Variants in TFEC observed in about 807,000 individuals in gnomAD.
The protein encoded by TFEC is transcription factor EC.
A neutral mutation model predicts 41.6 loss-of-function variants in TFEC; 31 were observed. That is an observed-to-expected ratio of 0.74 (90% CI 0.56 to 1.01). The LOEUF (loss-of-function observed/expected upper bound fraction) is 1.01, where lower values mean the gene tolerates loss of function less well. TFEC is among the 50% of genes least tolerant of loss of function. The pLI is 0.00. For synonymous variants in TFEC, 143 were observed against 140.6 expected, an observed-to-expected ratio of 1.02 and a Z score of -0.12; for missense variants, 402 against 404.1, an observed-to-expected ratio of 0.99 and a Z score of 0.04.
upstream of TFEC, among the ~76,000 whole-genome samples, chr7:116,032,400 C>G (rs1026890656): frequency 1.3e-5 from 2 of 152,036 alleles, no homozygotes; most frequent in African/African-American, 4.8e-5. Flanking sequence ...CACTGCAGCA[C>G]TATTCACGGA....
upstream of TFEC, among the ~76,000 whole-genome samples, chr7:116,031,723 T>G (rs912253215): frequency 3.9e-5 from 6 of 152,112 alleles, no homozygotes; most frequent in African/African-American, 1.4e-4. Flanking sequence ...GAAGTGGAGA[T>G]TATATGAAAA....
Position 116,015,412 on chromosome 7 carries a change from G to C in TFEC, c.-73+15221C>G, listed in dbSNP as rs570202661. ...CATGATCTGAAGAAAGTGTAGATGA[G>C]AACAAATTACAATAGAAAAGAAAGC... On this transcript the variant is annotated intron_variant, in intron 1 of 7. Coordinates refer to ENST00000265440, the MANE Select transcript of TFEC (RefSeq NM_012252.4). Among the ~76,000 whole-genome samples, 14 of 151,766 alleles carry C rather than the reference G, an allele frequency of 9.2e-5. No individual in the cohort carries two copies. In the South Asian group the frequency reaches 2.7e-3, roughly 29 times the overall value.
At chr7:116,128,065 T>C (rs1400307800) in intron 1 of TFEC, among the ~76,000 whole-genome samples, 2 of 152,238 alleles carry the variant, frequency 1.3e-5, no homozygotes, top group African/African-American at 4.8e-5. Flanking sequence ...ATAACTTTTC[T>C]ATTGCACAAA....
intron 3 of TFEC, among the ~76,000 whole-genome samples, chr7:115,970,989 A>G (rs1793108336): frequency 6.6e-6 from 1 of 152,100 alleles, no homozygotes; most frequent in African/African-American, 2.4e-5. Flanking sequence ...CATGTCATAT[A>G]GTAGGTAAAC....
chr7:116,090,894 A>C (rs1363831802), intron 3 of TFEC, among the ~76,000 whole-genome samples: 1 of 151,428 alleles, frequency 6.6e-6, no homozygotes, highest in Non-Finnish European at 1.5e-5. Context: ...ACATGTTGTC[A>C]CTCATAAGTT....
At position 116,155,459 on chromosome 7, in the gene TFEC, T is replaced by A. The variant is rs75182745; in HGVS notation, c.-69+4331A>T. ...TGGGCCTACAGCAAACCTGCCAGCATCTACCTCAGATGGCTAACTCAAAGG... is the reference window on the plus strand; with the variant it reads ...TGGGCCTACAGCAAACCTGCCAGCAACTACCTCAGATGGCTAACTCAAAGG... On this transcript the variant is annotated intron_variant, in intron 1 of 8. Coordinates refer to the TFEC transcript ENST00000484212. Among the ~76,000 whole-genome samples, 1,254 of 152,336 alleles carry A rather than the reference T, an allele frequency of 8.2e-3. 6 individuals are homozygous for A. The highest frequency in any genetic ancestry group is 0.012 in the Non-Finnish European group (793 of 68,032).
chr7:116,105,488 G>A (rs1322619665), intron 3 of TFEC, among the ~76,000 whole-genome samples: 2 of 152,128 alleles, frequency 1.3e-5, no homozygotes, highest in African/African-American at 4.8e-5. Context: ...CCTTAGTGTT[G>A]ACCTAAATAT....
intron 1 of TFEC, among the ~76,000 whole-genome samples, chr7:115,992,502 C>T (rs190564102): frequency 3.2e-4 from 49 of 152,094 alleles, no homozygotes; most frequent in Non-Finnish European, 5.7e-4. Flanking sequence ...CAAATAGATG[C>T]AATAAAAAAT....
At chr7:115,941,323 C>T (rs1713620315) in intron 7 of TFEC, 1 of 165,058 alleles carries the variant, frequency 6.1e-6, no homozygotes, top group Admixed American at 6.2e-5. Flanking sequence ...GCTAAGCATA[C>T]TCACATTTTT....
chr7:116,061,362 G>T (rs1004941006), intron 3 of TFEC, among the ~76,000 whole-genome samples: 1 of 152,056 alleles, frequency 6.6e-6, no homozygotes, highest in Non-Finnish European at 1.5e-5. Flanking sequence ...CAGCATAAAA[G>T]GGTAGTCTTT....
intron 1 of TFEC, among the ~76,000 whole-genome samples, chr7:116,143,327 C>A (rs1008773266): frequency 6.6e-6 from 1 of 152,160 alleles, no homozygotes; most frequent in Non-Finnish European, 1.5e-5. Flanking sequence ...CTTATCTGCA[C>A]CTCTATACTA....
Position 115,940,496 on chromosome 7 carries a change from G to A in TFEC, c.*55C>T. 1 of 1,530,786 alleles carries A rather than the reference G, an allele frequency of 6.5e-7. No individual in the cohort carries two copies. The highest frequency in any genetic ancestry group is 2.3e-5 in the East Asian group (1 of 44,126). 94.8% of individuals were successfully genotyped at this position (1,530,786 alleles called of 1,614,324 possible). A position where few individuals can be genotyped will look rare whatever the true frequency, so the allele number is the denominator to read the frequency against. On this transcript the variant is annotated 3_prime_UTR_variant, in exon 8 of 8. Transcript: ENST00000265440. ...AACATATGAAACACAGAGCATAATTGCATAGCACCAGCATAGAATTGCTTT... is the reference window on the plus strand; with the variant it reads ...AACATATGAAACACAGAGCATAATTACATAGCACCAGCATAGAATTGCTTT...
In TFEC at chr7:116,138,086, A is replaced by G. The variant is rs1798468856; in HGVS notation, c.-69+21704T>C. Among the ~76,000 whole-genome samples, 4 of 152,272 alleles carry G rather than the reference A, an allele frequency of 2.6e-5. No homozygotes were observed. In the South Asian group the frequency reaches 8.3e-4, roughly 32 times the overall value. On this transcript the variant is annotated intron_variant, in intron 1 of 8. Coordinates refer to the TFEC transcript ENST00000484212. Reference sequence around the variant, plus strand: ...GCCAAACACAACATTCATTTCTGCTACGTAAATCTGCCTCTCCAATGTTGA... The same window carrying G: ...GCCAAACACAACATTCATTTCTGCTGCGTAAATCTGCCTCTCCAATGTTGA...
intron 3 of TFEC, among the ~76,000 whole-genome samples, chr7:116,053,156 T>C (rs572514045): frequency 6.6e-6 from 1 of 152,110 alleles, no homozygotes; most frequent in East Asian, 1.9e-4. Flanking sequence ...GTGAAGAATA[T>C]ATAAGTATGG....
At chr7:116,065,322 C>T (rs559054101) in intron 3 of TFEC, among the ~76,000 whole-genome samples, 1 of 152,016 alleles carries the variant, frequency 6.6e-6, no homozygotes, top group South Asian at 2.1e-4. Flanking sequence ...GAGAAAAGTT[C>T]CTAGGAGAAC....
At chr7:116,016,977 C>G (rs1454675574) in intron 1 of TFEC, among the ~76,000 whole-genome samples, 2 of 152,040 alleles carry the variant, frequency 1.3e-5, no homozygotes, top group African/African-American at 2.4e-5. Context: ...TTCCTTACCC[C>G]CAACATACAA....
At chr7:115,993,842 T>C (rs1794235309) in intron 1 of TFEC, among the ~76,000 whole-genome samples, 1 of 152,152 alleles carries the variant, frequency 6.6e-6, no homozygotes, top group Non-Finnish European at 1.5e-5. Flanking sequence ...CTTCACAGAA[T>C]TGCAAAAAAC....
rs1399841941 is a variant in TFEC, at chr7:116,077,458, C to T, written c.198+33250G>A. Among the ~76,000 whole-genome samples the T allele has an allele frequency of 3.3e-5, 5 of 152,078 alleles. No individual in the cohort carries two copies. The South Asian group carries it at 8.3e-4, about 25-fold the overall frequency. On this transcript the variant is annotated intron_variant, in intron 3 of 8. Transcript: ENST00000484212. ...ATGTTGAATGTAAATGGCCAAAGTG[C>T]TCCACTTAAAAAATACAGAATGGCT...
chr7:116,079,286 T>C (rs983809427), intron 3 of TFEC, among the ~76,000 whole-genome samples: 1 of 151,876 alleles, frequency 6.6e-6, no homozygotes, highest in African/African-American at 2.4e-5. Flanking sequence ...AGGATGCCCA[T>C]TTTCACCACT....
Sources: gnomAD v4.1 joint callset for allele counts (sites outside exome capture counted in the v4.1 genomes callset) on GRCh38, gnomAD v4.1.1 for gene constraint, MANE v1.5 for transcripts, NCBI Gene and HGNC (gene_info 2026-07-23, HGNC 2026-07-21) for gene names.